LEPR: variants seen among roughly 807,000 people sequenced by gnomAD.
LEPR encodes the protein leptin receptor.
A neutral mutation model predicts 114.7 loss-of-function variants in LEPR; 56 were observed. The observed-to-expected ratio is 0.49, with a 90% CI of 0.39 to 0.61. LEPR has a LOEUF of 0.61. Ranked by LOEUF, LEPR falls within the 20% of genes least tolerant of loss-of-function variation. LEPR has a pLI of 0.00. For missense variants in LEPR, 1,202 were observed against 1,352.9 expected, an observed-to-expected ratio of 0.89 and a Z score of 1.75; for synonymous variants, 443 against 461.4, an observed-to-expected ratio of 0.96 and a Z score of 0.51.
At chr1:65,456,153 C>A (rs1030628665) in intron 2 of LEPR, among the ~76,000 whole-genome samples, 1 of 152,078 alleles carries the variant, frequency 6.6e-6, no homozygotes, top group Non-Finnish European at 1.5e-5. Flanking sequence ...GTGCACGGTG[C>A]GCGCACCCAT....
rs953137838 is a variant in LEPR at position 65,445,667 on chromosome 1, A to G, written c.-21+20289A>G. ...TTTTTTTTAAACAGCAAATCTTTCA[A>G]TGTATTAGCAATTTTAAGTAAGAAT... On this transcript the variant is annotated intron_variant, in intron 2 of 19. Transcript: ENST00000349533. Among the ~76,000 whole-genome samples, 5 of 151,968 alleles carry G rather than the reference A, an allele frequency of 3.3e-5. No homozygotes were observed. The South Asian group carries it at 6.2e-4, about 19-fold the overall frequency.
chr1:65,488,310 T>C lies in LEPR; in HGVS notation c.-21+62932T>C, dbSNP rs188080744. On this transcript the variant is annotated intron_variant, in intron 2 of 19. Transcript: ENST00000349533. ...TCCCTCTCTCTCTCTCTCTTTCTCT[T>C]TCTCTTTTTTTCTTTCTTCTTCTTC... 2.8e-5 allele frequency among the ~76,000 whole-genome samples: 4 copies of C among 144,210 alleles called. No individual in the cohort carries two copies. The East Asian group carries it at 7.9e-4, about 28-fold the overall frequency. The allele number at this position is 144,210 out of a possible 152,430, so 94.6% of individuals were successfully genotyped here.
At chr1:65,500,055 A>T (rs1172376407) in intron 2 of LEPR, among the ~76,000 whole-genome samples, 1 of 152,090 alleles carries the variant, frequency 6.6e-6, no homozygotes, top group Non-Finnish European at 1.5e-5. Context: ...ATGAGTTCTC[A>T]TGAGATCTGA....
At chr1:65,422,324 A>G (rs555014280) in intron 1 of LEPR, among the ~76,000 whole-genome samples, 1 of 116,280 alleles carries the variant, frequency 8.6e-6, no homozygotes, top group East Asian at 4.0e-4. Context: ...AGTCAGGAGC[A>G]CCAAAGATTG....
intron 2 of LEPR, among the ~76,000 whole-genome samples, chr1:65,437,961 C>A (rs1259139512): frequency 1.3e-5 from 2 of 151,866 alleles, no homozygotes; most frequent in Non-Finnish European, 2.9e-5. Context: ...GCACGGGCCA[C>A]CGCAGCTGGC....
chr1:65,633,806 C>T lies in LEPR; in HGVS notation c.2674-2385C>T. On this transcript the variant is annotated intron_variant, in intron 19 of 19. Coordinates refer to ENST00000349533, the MANE Select transcript of LEPR (RefSeq NM_002303.6). The surrounding 1 kb of genome is among the most constrained non-coding windows in gnomAD (Gnocchi z 4.1). ...TCCTTGAAAATGGCTTAAGTGATAACTTCCGTTTCAGTTAAAAGGAAGCCC... is the reference window on the plus strand; with the variant it reads ...TCCTTGAAAATGGCTTAAGTGATAATTTCCGTTTCAGTTAAAAGGAAGCCC... 1 of 985,634 alleles carries T rather than the reference C, an allele frequency of 1.0e-6. No homozygotes were observed. Among genetic ancestry groups the T allele is most frequent in the Non-Finnish European group, 1.2e-6 (1 of 830,168 alleles). 61.1% of individuals were successfully genotyped at this position (985,634 alleles called of 1,614,324 possible). A position where few individuals can be genotyped will look rare whatever the true frequency, so the allele number is the denominator to read the frequency against.
intron 2 of LEPR, among the ~76,000 whole-genome samples, chr1:65,466,498 T>C (rs549315585): frequency 6.6e-6 from 1 of 152,292 alleles, no homozygotes; most frequent in South Asian, 2.1e-4. Flanking sequence ...TGACAATTAA[T>C]GTGTCTTGGG....
intron 2 of LEPR, among the ~76,000 whole-genome samples, chr1:65,512,317 A>G (rs890672109): frequency 5.9e-5 from 9 of 152,168 alleles, no homozygotes; most frequent in Non-Finnish European, 1.3e-4. Context: ...TTACAACTGG[A>G]CATGAGATTT....
chr1:65,480,772 G>T (rs1647217174), intron 2 of LEPR, among the ~76,000 whole-genome samples: 1 of 152,060 alleles, frequency 6.6e-6, no homozygotes, highest in Admixed American at 6.6e-5. Context: ...AGTAATAGCA[G>T]AGCCAGGATC....
chr1:65,448,478 G>A (rs1481256966), intron 2 of LEPR, among the ~76,000 whole-genome samples: 1 of 152,150 alleles, frequency 6.6e-6, no homozygotes, highest in Non-Finnish European at 1.5e-5. Context: ...TGGATCTGTA[G>A]TCTTTTTATG....
intron 2 of LEPR, among the ~76,000 whole-genome samples, chr1:65,425,785 A>C (rs1247873967): frequency 1.3e-5 from 2 of 152,202 alleles, no homozygotes. Flanking sequence ...CAGTCAGGGA[A>C]GGCTGCATGG....
intron 2 of LEPR, among the ~76,000 whole-genome samples, chr1:65,560,198 C>T (rs1467145738): frequency 9.7e-6 from 1 of 103,624 alleles, no homozygotes; most frequent in Non-Finnish European, 2.0e-5. Flanking sequence ...GAATGTTCTT[C>T]CATTTGTTTG....
intron 2 of LEPR, among the ~76,000 whole-genome samples, chr1:65,527,808 A>T (rs557404333): frequency 6.6e-6 from 1 of 152,356 alleles, no homozygotes; most frequent in African/African-American, 2.4e-5. Flanking sequence ...AAGTAGAGAT[A>T]GTCATCTCCG....
At chr1:65,482,117 T>TAC (rs1221058740) in intron 2 of LEPR, among the ~76,000 whole-genome samples, 1 of 94,566 alleles carries the variant, frequency 1.1e-5, no homozygotes, top group African/African-American at 5.5e-5. Context: ...ATGGCAATTT[T>TAC]ACACATACAC....
At position 65,621,358 on chromosome 1, in the gene LEPR, A is replaced by G. The variant is rs1460955752; in HGVS notation, c.2497A>G (p.Ile833Val). 6.2e-7 allele frequency: 1 copy of G among 1,611,630 alleles called. No individual in the cohort carries two copies. The highest frequency in any genetic ancestry group is 2.2e-5 in the East Asian group (1 of 44,744). ...KIINSFTQDD[I>V]EKHQSDAGLY... Reference sequence around the variant, plus strand: ...AAATTGTATTTCTTTTTCAGATGATATTGAAAAACACCAGAGTGATGCAGG... The same window carrying G: ...AAATTGTATTTCTTTTTCAGATGATGTTGAAAAACACCAGAGTGATGCAGG... The change falls in exon 18 of 20, where the codon ATT (isoleucine) becomes GTT (valine). Residue 833 changes from isoleucine (I) to valine (V), a missense_variant. Coordinates refer to ENST00000349533, the MANE Select transcript of LEPR (RefSeq NM_002303.6).
At chr1:65,421,121 C>T (rs1320196704) in intron 1 of LEPR, among the ~76,000 whole-genome samples, 1 of 152,204 alleles carries the variant, frequency 6.6e-6, no homozygotes, top group Non-Finnish European at 1.5e-5. Context: ...TTCCTATTTG[C>T]CACAAAGGAC....
At chr1:65,434,559 T>C (rs1405632064) in intron 2 of LEPR, 1 of 985,202 alleles carries the variant, frequency 1.0e-6, no homozygotes, top group African/African-American at 1.7e-5. Context: ...AACTCTAATA[T>C]ACCTAACCTG....
At chr1:65,502,478 G>A (rs1364622491) in intron 2 of LEPR, among the ~76,000 whole-genome samples, 1 of 151,812 alleles carries the variant, frequency 6.6e-6, no homozygotes, top group Non-Finnish European at 1.5e-5. Context: ...GCAATTTTTA[G>A]TTACTGATTT....
rs566155830 is a variant in LEPR, at chr1:65,613,713, A to G, written c.1996-2295A>G. 4.9e-3 allele frequency among the ~76,000 whole-genome samples: 672 copies of G among 135,776 alleles called. 78 individuals are homozygous for G. The highest frequency in any genetic ancestry group is 7.6e-3 in the Non-Finnish European group (487 of 63,970). 89.1% of individuals were successfully genotyped at this position (135,776 alleles called of 152,430 possible). A position where few individuals can be genotyped will look rare whatever the true frequency, so the allele number is the denominator to read the frequency against. ...GCTTGCAGTGAGCCGAGATTGCGCCATTGCAGTCCGCAGTCCGGCCTGGGC... is the reference window on the plus strand; with the variant it reads ...GCTTGCAGTGAGCCGAGATTGCGCCGTTGCAGTCCGCAGTCCGGCCTGGGC... On this transcript the variant is annotated intron_variant, in intron 14 of 19. Coordinates refer to ENST00000349533, the MANE Select transcript of LEPR (RefSeq NM_002303.6).
Sources: allele counts gnomAD v4.1 joint callset (sites outside exome capture counted in the v4.1 genomes callset), GRCh38; gene constraint gnomAD v4.1.1; non-coding constraint Gnocchi (gnomAD v3.1); transcripts MANE v1.5; gene names NCBI Gene and HGNC (gene_info 2026-07-23, HGNC 2026-07-21).